AAAS: variants seen among roughly 807,000 people sequenced by gnomAD.
AAAS encodes the protein aladin.
Under a neutral mutation model 75.6 loss-of-function variants are expected in AAAS, and 60 were observed. The ratio of observed to expected loss-of-function variants is 0.79; its 90% confidence interval spans 0.64 to 0.98. The LOEUF (loss-of-function observed/expected upper bound fraction) is 0.98. AAAS is among the 50% of genes least tolerant of loss of function. AAAS has a pLI of 0.00. For synonymous variants in AAAS, 271 were observed against 265.0 expected (o/e 1.02, Z -0.22); for missense variants, 658 against 686.9 (o/e 0.96, Z 0.47).
At chr12:53,308,029 C>A in intron 14 of AAAS, 23 bp downstream of exon 14, 1 of 1,613,996 alleles carries the variant, frequency 6.2e-7, no homozygotes, top group South Asian at 1.1e-5. Flanking sequence ...AAGTCCAGAC[C>A]TAAGGGCCCA....
rs1057090512 is a variant in AAAS, at chr12:53,321,287, T to A, written c.123+56A>T. 5.0e-6 allele frequency: 8 copies of A among 1,596,866 alleles called. No individual in the cohort carries two copies. The Admixed American group carries it at 6.7e-5, about 13-fold the overall frequency. ...CTGTCACACTGCCTCCTTTCCCCAG[T>A]AGTCCCCGACTCCGCCCCCATGCCT... On this transcript the variant is annotated intron_variant, in intron 1 of 15. Coordinates refer to ENST00000209873, the MANE Select transcript of AAAS (RefSeq NM_015665.6).
chr12:53,308,849 T>G (rs779774298), intron 10 of AAAS, 34 bp from the exon 11 acceptor site: 25 of 1,613,512 alleles, frequency 1.5e-5, no homozygotes, highest in African/African-American at 1.5e-4. Context: ...GGAGAAGGTA[T>G]GTCTATAGTA....
chr12:53,309,045 A>G, intron 9 of AAAS, 25 bp from the exon 10 acceptor site: 2 of 1,614,216 alleles, frequency 1.2e-6, no homozygotes, highest in Admixed American at 3.3e-5. Flanking sequence ...AGCAAATTAC[A>G]GCTCAGGACC....
intron 7 of AAAS, among the ~76,000 whole-genome samples, chr12:53,311,721 C>A (rs1944391544): frequency 6.6e-6 from 1 of 152,124 alleles, no homozygotes; most frequent in African/African-American, 2.4e-5. Flanking sequence ...TTGAGACCAG[C>A]CTGGCCAATA....
At chr12:53,321,131 A>G (rs1944547197) in intron 1 of AAAS, 4 of 690,576 alleles carry the variant, frequency 5.8e-6, no homozygotes, top group South Asian at 3.8e-5. Flanking sequence ...CATTCCCTCT[A>G]GGCCTCCTCC....
chr12:53,320,215 A>G (rs1944532393), intron 2 of AAAS, among the ~76,000 whole-genome samples: 1 of 152,204 alleles, frequency 6.6e-6, no homozygotes, highest in African/African-American at 2.4e-5. Context: ...GCAACCTTAT[A>G]TCTGATCTTG....
rs374246701 is a variant in AAAS, at chr12:53,321,328, C to T, written c.123+15G>A. The T allele has an allele frequency of 1.9e-6, 3 of 1,612,668 alleles. No homozygotes were observed. The African/African-American group carries it at 4.0e-5, about 22-fold the overall frequency. ...CCCCATGCCTGTAGGTCCCCTCCCTCCTCGCCCTGGCCACCTGGCCCCGGA... is the reference window on the plus strand; with the variant it reads ...CCCCATGCCTGTAGGTCCCCTCCCTTCTCGCCCTGGCCACCTGGCCCCGGA... On this transcript the variant is annotated intron_variant, in intron 1 of 15. Transcript: ENST00000209873.
At chr12:53,315,588 G>A (rs967755391) in intron 3 of AAAS, 139 bp downstream of exon 3, 1 of 1,256,844 alleles carries the variant, frequency 8.0e-7, no homozygotes, top group Non-Finnish European at 1.1e-6. Flanking sequence ...ACCCACTCTG[G>A]GTTATTTGGG....
rs554760651 is a variant in AAAS at position 53,308,394 on chromosome 12, C to T, written c.1181+41G>A. On this transcript the variant is annotated intron_variant, in intron 12 of 15. Coordinates refer to ENST00000209873, the MANE Select transcript of AAAS (RefSeq NM_015665.6). Reference sequence around the variant, plus strand: ...AGGAGAGTTTCAGTGTGGTCCCTCCCACCTGCTTTTCACTGCCACTCCCTC... The same window carrying T: ...AGGAGAGTTTCAGTGTGGTCCCTCCTACCTGCTTTTCACTGCCACTCCCTC... 61 of 1,614,076 alleles carry T rather than the reference C, an allele frequency of 3.8e-5. 1 individual carries two copies. In the Middle Eastern group the frequency reaches 1.6e-3, roughly 44 times the overall value.
chr12:53,319,202 T>C (rs1389200390), intron 2 of AAAS, among the ~76,000 whole-genome samples: 3 of 139,190 alleles, frequency 2.2e-5, no homozygotes, highest in South Asian at 4.4e-4. Context: ...TAAGTAACCC[T>C]TTTTTTTTTT....
chr12:53,316,348 G>A (rs1227192343), intron 2 of AAAS, among the ~76,000 whole-genome samples: 1 of 151,956 alleles, frequency 6.6e-6, no homozygotes, highest in Non-Finnish European at 1.5e-5. Context: ...TACTCAGGAG[G>A]CTGAGGCAGG....
chr12:53,319,201 CTT>C (rs113552254), intron 2 of AAAS, among the ~76,000 whole-genome samples: 13 of 145,446 alleles, frequency 8.9e-5, no homozygotes, highest in Admixed American at 1.4e-4. Flanking sequence ...TTAAGTAACC[CTT>C]TTTTTTTTTT....
intron 4 of AAAS, 60 bp from the exon 5 acceptor site, chr12:53,315,200 T>C (rs754971924): frequency 2.5e-6 from 4 of 1,604,236 alleles, no homozygotes; most frequent in Non-Finnish European, 8.5e-7. Context: ...CTCCTCAATA[T>C]TCCAACAGGG....
At chr12:53,315,681 G>A (rs770081761) in intron 3 of AAAS, 46 bp downstream of exon 3, 18 of 1,602,158 alleles carry the variant, frequency 1.1e-5, no homozygotes, top group African/African-American at 6.7e-5. Context: ...AATATGGAGA[G>A]GAGATAACCA....
rs149864679 is a variant in AAAS, at chr12:53,321,595, G to A, written c.-130C>T. The A allele has an allele frequency of 9.8e-3, 14,654 of 1,489,442 alleles. 100 individuals carry two copies. Among genetic ancestry groups the A allele is most frequent in the Non-Finnish European group, 0.012 (12,772 of 1,082,322 alleles). 92.3% of individuals were successfully genotyped at this position (1,489,442 alleles called of 1,614,324 possible). On this transcript the variant is annotated 5_prime_UTR_variant, in exon 1 of 16. Transcript: ENST00000209873. ...TACCGCAAGGGACAAACGGCGAGGC[G>A]GAACTCAACGGAAGTGAAGAAAAGA...
chr12:53,307,909 G>A lies in AAAS; in HGVS notation c.1352C>T (p.Pro451Leu). ...LLPCGIIQGEPGAQPQLITFH... is the reference protein window; with the variant it reads ...LLPCGIIQGELGAQPQLITFH... ...AGTGATGAGCTGGGGCTGGGCTCCT[G>A]GCTCCCCCTGGATAATGCCACTAGA... The change falls in exon 15 of 16, where the codon CCA (proline) becomes CTA (leucine). Residue 451 changes from proline (P) to leucine (L), a missense_variant. Coordinates refer to ENST00000209873, the MANE Select transcript of AAAS (RefSeq NM_015665.6). 6.2e-7 allele frequency: 1 copy of A among 1,614,210 alleles called. No individual in the cohort carries two copies. The highest frequency in any genetic ancestry group is 8.5e-7 in the Non-Finnish European group (1 of 1,180,034).
intron 2 of AAAS, among the ~76,000 whole-genome samples, chr12:53,318,255 T>TGC (rs1944496949): frequency 2.0e-5 from 2 of 98,718 alleles, no homozygotes; most frequent in Admixed American, 1.1e-4. Context: ...CGTGTGTGTG[T>TGC]GTGTGTGTGT....
intron 7 of AAAS, among the ~76,000 whole-genome samples, chr12:53,310,071 T>C (rs4759281): frequency 0.92 from 140,199 of 152,270 alleles, 65,308 homozygotes; most frequent in Non-Finnish European, 0.99. Flanking sequence ...CACAGCTCTC[T>C]GCCCACAGGC....
intron 5 of AAAS, 116 bp from the exon 6 acceptor site, chr12:53,314,965 T>TG: frequency 6.8e-7 from 1 of 1,480,950 alleles, no homozygotes; most frequent in Non-Finnish European, 9.4e-7. Flanking sequence ...TATTCTTTTT[T>TG]GGGGGAACAG....
Sources: allele counts gnomAD v4.1 joint callset (sites outside exome capture counted in the v4.1 genomes callset), GRCh38; gene constraint gnomAD v4.1.1; transcripts MANE v1.5; gene names NCBI Gene and HGNC (gene_info 2026-07-23, HGNC 2026-07-21).